ROBO2: variants seen among roughly 807,000 people sequenced by gnomAD.
ROBO2 encodes roundabout guidance receptor 2.
Under a neutral mutation model 160.8 loss-of-function variants are expected in ROBO2, and 53 were observed. The ratio of observed to expected loss-of-function variants is 0.33; its 90% CI spans 0.26 to 0.41. ROBO2 has a LOEUF of 0.41. ROBO2 is among the 10% of genes least tolerant of loss of function. The pLI, the probability that ROBO2 is intolerant of heterozygous loss-of-function variation, is 1.00. For missense variants in ROBO2, 1,577 were observed against 1,722.4 expected (o/e 0.92, Z 1.49); for synonymous variants, 664 against 611.7 (o/e 1.09, Z -1.26).
intron 2 of ROBO2, among the ~76,000 whole-genome samples, chr3:77,160,385 G>A (rs1223981989): frequency 6.6e-6 from 1 of 151,992 alleles, no homozygotes; most frequent in Non-Finnish European, 1.5e-5. Context: ...CTTACACATG[G>A]TGATGATGTA....
intron 2 of ROBO2, among the ~76,000 whole-genome samples, chr3:77,256,889 A>G (rs981660519): frequency 1.3e-5 from 2 of 152,190 alleles, no homozygotes; most frequent in Non-Finnish European, 2.9e-5. Context: ...ATGCACTAAT[A>G]CAACACTGCT....
At chr3:76,676,407 G>A (rs2092409936) in intron 2 of ROBO2, among the ~76,000 whole-genome samples, 1 of 152,146 alleles carries the variant, frequency 6.6e-6, no homozygotes, top group South Asian at 2.1e-4. Flanking sequence ...GCAGAACTGT[G>A]AGTCAATTCA....
chr3:76,298,951 A>G (rs150641400), intron 2 of ROBO2, among the ~76,000 whole-genome samples: 1,923 of 152,252 alleles, frequency 0.013, 36 homozygotes, highest in African/African-American at 0.044. Flanking sequence ...TAGTAGTTCA[A>G]ATCTGTAGAT....
At chr3:77,617,852 C>A in intron 22 of ROBO2, 79 bp downstream of exon 23, 1 of 1,442,858 alleles carries the variant, frequency 6.9e-7, no homozygotes, top group South Asian at 1.2e-5. Context: ...ACAAGAGATT[C>A]TGATAGAACT....
intron 2 of ROBO2, among the ~76,000 whole-genome samples, chr3:76,156,162 G>A (rs1055375938): frequency 1.3e-5 from 2 of 151,702 alleles, no homozygotes; most frequent in South Asian, 2.1e-4. Flanking sequence ...TCAGAACATC[G>A]TAAGTGCTGT....
At chr3:76,966,919 CTT>C (rs768168983) in intron 2 of ROBO2, among the ~76,000 whole-genome samples, 1 of 152,188 alleles carries the variant, frequency 6.6e-6, no homozygotes, top group Non-Finnish European at 1.5e-5. Flanking sequence ...GTGAACAAGA[CTT>C]TGCTTGAAGA....
intron 2 of ROBO2, among the ~76,000 whole-genome samples, chr3:77,165,490 C>A (rs1275025984): frequency 6.8e-6 from 1 of 147,996 alleles, no homozygotes; most frequent in African/African-American, 2.5e-5. Flanking sequence ...ATCTGCTGAC[C>A]TTCCCTCCAC....
At chr3:76,340,170 G>A (rs2074136080) in intron 2 of ROBO2, among the ~76,000 whole-genome samples, 1 of 151,756 alleles carries the variant, frequency 6.6e-6, no homozygotes. Context: ...AACACTGACT[G>A]TGATTTTACT....
At chr3:77,378,673 G>A (rs1171960507) in intron 2 of ROBO2, among the ~76,000 whole-genome samples, 1 of 152,102 alleles carries the variant, frequency 6.6e-6, no homozygotes, top group Non-Finnish European at 1.5e-5. Flanking sequence ...ATAAATATAG[G>A]TAAATATATT....
At chr3:77,390,396 G>T (rs1409888556) in intron 2 of ROBO2, among the ~76,000 whole-genome samples, 1 of 152,100 alleles carries the variant, frequency 6.6e-6, no homozygotes, top group Non-Finnish European at 1.5e-5. Context: ...GTCATGGGAG[G>T]CACCTAGCAG....
At chr3:76,411,745 A>G (rs1402720732) in intron 2 of ROBO2, among the ~76,000 whole-genome samples, 1 of 152,204 alleles carries the variant, frequency 6.6e-6, no homozygotes, top group Non-Finnish European at 1.5e-5. Flanking sequence ...TGAAAGTAGC[A>G]TAAGCCTAAA....
At chr3:77,517,889 T>C (rs1170788133) in intron 5 of ROBO2, among the ~76,000 whole-genome samples, 2 of 151,420 alleles carry the variant, frequency 1.3e-5, no homozygotes, top group Non-Finnish European at 3.0e-5. Context: ...TCTCGTGTAG[T>C]GTATTTGTAG....
At chr3:76,021,761 G>C (rs2066581685) in intron 2 of ROBO2, among the ~76,000 whole-genome samples, 1 of 151,784 alleles carries the variant, frequency 6.6e-6, no homozygotes, top group Non-Finnish European at 1.5e-5. Context: ...ATCAAGTTGT[G>C]ATTTTTCACA....
chr3:76,939,852 A>G (rs1455693591), intron 2 of ROBO2, among the ~76,000 whole-genome samples: 1 of 152,206 alleles, frequency 6.6e-6, no homozygotes, highest in Middle Eastern at 3.2e-3. Flanking sequence ...TAGTTCTGCT[A>G]GTTCTGCAGT....
At chr3:77,209,694 G>C (rs533272466) in intron 2 of ROBO2, among the ~76,000 whole-genome samples, 1 of 152,288 alleles carries the variant, frequency 6.6e-6, no homozygotes, top group African/African-American at 2.4e-5. Context: ...CAAAAACCAT[G>C]TTTGTGGAGT....
Position 77,304,026 on chromosome 3 carries a change from A to T in ROBO2, c.389-173388A>T, listed in dbSNP as rs144759568. Among the ~76,000 whole-genome samples, 953 of 152,174 alleles carry T rather than the reference A, an allele frequency of 6.3e-3. 16 individuals carry two copies. Among genetic ancestry groups the T allele is most frequent in the African/African-American group, 0.022 (916 of 41,522 alleles). ...TAGCTTTCTTTCTCAACATCAACTA[A>T]CACATCTCCTAGGTGTCCTTAAAGT... is the stretch of plus-strand genomic sequence containing the variant. On this transcript the variant is annotated intron_variant, in intron 2 of 25. Coordinates refer to ENST00000461745, the Ensembl canonical transcript of ROBO2.
At chr3:76,151,007 C>T (rs951854987) in intron 2 of ROBO2, among the ~76,000 whole-genome samples, 9 of 152,082 alleles carry the variant, frequency 5.9e-5, no homozygotes, top group Non-Finnish European at 1.0e-4. Context: ...CCAAGGTCCC[C>T]GACCCTACCG....
At chr3:76,109,905 A>G (rs2070141851) in intron 2 of ROBO2, among the ~76,000 whole-genome samples, 3 of 151,914 alleles carry the variant, frequency 2.0e-5, no homozygotes, top group African/African-American at 4.8e-5. Flanking sequence ...CCACTTATAC[A>G]TGGGAATACG....
At chr3:77,238,515 T>A (rs2088437482) in intron 2 of ROBO2, among the ~76,000 whole-genome samples, 1 of 152,186 alleles carries the variant, frequency 6.6e-6, no homozygotes, top group Non-Finnish European at 1.5e-5. Context: ...GGAATTCTTA[T>A]GATTTAAAAT....
Sources: allele counts gnomAD v4.1 joint callset (sites outside exome capture counted in the v4.1 genomes callset), GRCh38; gene constraint gnomAD v4.1.1; transcripts MANE v1.5; gene names NCBI Gene and HGNC (gene_info 2026-07-23, HGNC 2026-07-21).